CD99L2: variants seen among roughly 807,000 people sequenced by gnomAD.
CD99L2 encodes the protein CD99 molecule like 2.
Under a neutral mutation model 27.3 loss-of-function variants are expected in CD99L2, and 24 were observed. The observed-to-expected ratio is 0.88, with a 90% CI of 0.64 to 1.24. The LOEUF is 1.24. Among genes scored for constraint, CD99L2 ranks in the 50% most tolerant of loss-of-function variants. CD99L2 has a pLI of 0.00. For missense variants in CD99L2, 255 were observed against 221.6 expected (o/e 1.15, Z -0.96); for synonymous variants, 97 against 87.9 (o/e 1.10, Z -0.58).
At chrX:150,837,527 C>T (rs1557421242) in intron 1 of CD99L2, among the ~76,000 whole-genome samples, 3 of 111,890 alleles carry the variant, frequency 2.7e-5, no homozygotes, top group Non-Finnish European at 5.6e-5. Context: ...GGATTACAGG[C>T]GTGAGCCACT....
chrX:150,799,325 C>T (rs1272250478), intron 4 of CD99L2, among the ~76,000 whole-genome samples: 8 of 98,686 alleles, frequency 8.1e-5, no homozygotes, highest in African/African-American at 2.7e-4. Context: ...TGGTGAAACC[C>T]TGTCTCTACC....
At chrX:150,818,487 T>C (rs1206950561) in intron 2 of CD99L2, among the ~76,000 whole-genome samples, 2 of 109,357 alleles carry the variant, frequency 1.8e-5, no homozygotes, top group Non-Finnish European at 1.9e-5. Context: ...AATTCACAAT[T>C]ATACGGAATT....
chrX:150,884,355 G>C (rs2047376313), intron 1 of CD99L2, among the ~76,000 whole-genome samples: 1 of 111,760 alleles, frequency 8.9e-6, no homozygotes, highest in African/African-American at 3.3e-5. Flanking sequence ...GAGGAGAATG[G>C]GAAAGGCAGT....
intron 4 of CD99L2, among the ~76,000 whole-genome samples, chrX:150,806,082 A>T (rs1465015795): frequency 8.9e-6 from 1 of 112,159 alleles, no homozygotes; most frequent in Non-Finnish European, 1.9e-5. Context: ...TCACCAGACT[A>T]TATCAATGTC....
At position 150,777,446 on chromosome X, in the gene CD99L2, G is replaced by A. The variant is rs1557419295; in HGVS notation, c.533C>T (p.Ser178Phe). 2 of 1,211,774 alleles carry A rather than the reference G, an allele frequency of 1.7e-6. No individual in the cohort carries two copies. Among genetic ancestry groups the A allele is most frequent in the Non-Finnish European group, 2.2e-6 (2 of 895,446 alleles). ...GRYGSNDDPG[S>F]GMVAEPGTIA... ...AGCCTCAGGATTCAGAAACCCACCAGATCCAGGGTCGTCATTGCTGCCGTA... is the reference window on the plus strand; with the variant it reads ...AGCCTCAGGATTCAGAAACCCACCAAATCCAGGGTCGTCATTGCTGCCGTA... Residue 178 changes from serine to phenylalanine, a missense_variant and splice_region_variant, in exon 8 of 11, where the codon TCT becomes TTT. Coordinates refer to ENST00000370377, the MANE Select transcript of CD99L2 (RefSeq NM_031462.4).
intron 10 of CD99L2, 111 bp from the exon 11 acceptor site, chrX:150,769,212 C>G: frequency 1.1e-6 from 1 of 915,571 alleles, no homozygotes. Context: ...TTTGTATCCC[C>G]TGGGGGGCCG....
intron 1 of CD99L2, among the ~76,000 whole-genome samples, chrX:150,834,321 G>A (rs782507266): frequency 1.6e-4 from 18 of 111,182 alleles, no homozygotes; most frequent in African/African-American, 9.8e-5. Flanking sequence ...GTGAAACCCC[G>A]TCTCTACTAA....
At position 150,840,647 on chromosome X, in the gene CD99L2, A is replaced by G. The variant is rs188799984; in HGVS notation, c.68-9354T>C. Among the ~76,000 whole-genome samples the G allele has an allele frequency of 2.9e-4, 33 of 112,282 alleles. No individual in the cohort carries two copies. In the South Asian group the frequency reaches 3.3e-3, roughly 11 times the overall value. On this transcript the variant is annotated intron_variant, in intron 1 of 10. Transcript: ENST00000370377. ...GGTCTCAAACTTCTGAGCTCAAGCA[A>G]TCTGCCTGCCTCAGCCTCCCAAAGT...
chrX:150,787,888 GTATATA>G lies in CD99L2; in HGVS notation c.496+5797_496+5802del, dbSNP rs527795783. Among the ~76,000 whole-genome samples, 448 of 63,793 alleles carry G rather than the reference GTATATA, an allele frequency of 7.0e-3. 8 individuals are homozygous for G. Among genetic ancestry groups the G allele is most frequent in the African/African-American group, 0.016 (328 of 19,993 alleles). The allele number at this position is 63,793 out of a possible 115,157, so 55.4% of individuals were successfully genotyped here. On this transcript the variant is annotated intron_variant, in intron 7 of 10. Transcript: ENST00000370377. ...GTGTACATGTACCCTAGAACTTAAA[GTATATA>G]TATATATATATATATATATATATAT...
intron 1 of CD99L2, among the ~76,000 whole-genome samples, chrX:150,861,695 G>A (rs1229768673): frequency 8.1e-5 from 9 of 110,969 alleles, no homozygotes; most frequent in Non-Finnish European, 1.7e-4. Context: ...AAGGTCAGGA[G>A]TTCGAGACCA....
chrX:150,825,981 C>A (rs1365266500), intron 2 of CD99L2, among the ~76,000 whole-genome samples: 2 of 111,642 alleles, frequency 1.8e-5, no homozygotes, highest in East Asian at 5.6e-4. Flanking sequence ...CATGTTGAAA[C>A]TTAACCCCCA....
At chrX:150,779,357 C>T (rs1410196506) in intron 7 of CD99L2, among the ~76,000 whole-genome samples, 1 of 112,127 alleles carries the variant, frequency 8.9e-6, no homozygotes, top group African/African-American at 3.3e-5. Flanking sequence ...CAAAAATGTG[C>T]TTCTCTTCCT....
At chrX:150,838,728 G>GT (rs1256888518) in intron 1 of CD99L2, among the ~76,000 whole-genome samples, 3 of 106,260 alleles carry the variant, frequency 2.8e-5, no homozygotes, top group African/African-American at 1.0e-4. Flanking sequence ...AACTTTTTGG[G>GT]TTTTTTTGTA....
intron 4 of CD99L2, among the ~76,000 whole-genome samples, chrX:150,808,849 C>A (rs2046033419): frequency 9.0e-6 from 1 of 110,829 alleles, no homozygotes; most frequent in South Asian, 4.0e-4. Context: ...AAGGAAGCAG[C>A]CGCGAGTTCC....
At chrX:150,795,600 CCT>C in intron 4 of CD99L2, 114 bp from the exon 5 acceptor site, 3 of 675,912 alleles carry the variant, frequency 4.4e-6, no homozygotes, top group Non-Finnish European at 7.0e-6. Flanking sequence ...CCTTGAGGCT[CCT>C]ATAGGACCTC....
At chrX:150,796,598 A>G (rs2045801575) in intron 4 of CD99L2, among the ~76,000 whole-genome samples, 1 of 112,422 alleles carries the variant, frequency 8.9e-6, no homozygotes, top group African/African-American at 3.2e-5. Flanking sequence ...GAACTACTAG[A>G]CAGAAAATCT....
intron 2 of CD99L2, chrX:150,829,719 T>G: frequency 4.5e-6 from 1 of 224,134 alleles, no homozygotes. Context: ...AATTTCTATC[T>G]GTAGATGCAC....
intron 2 of CD99L2, among the ~76,000 whole-genome samples, chrX:150,816,856 A>G (rs2046163953): frequency 9.1e-6 from 1 of 110,383 alleles, no homozygotes; most frequent in Non-Finnish European, 1.9e-5. Context: ...ACCATGGAAT[A>G]CTATACAGCC....
intron 1 of CD99L2, among the ~76,000 whole-genome samples, chrX:150,865,054 G>A (rs1462023051): frequency 2.9e-5 from 3 of 102,233 alleles, no homozygotes; most frequent in Admixed American, 2.2e-4. Flanking sequence ...GAGACAGAGC[G>A]AGACCCTGTC....
Sources: gnomAD v4.1 joint callset for allele counts (sites outside exome capture counted in the v4.1 genomes callset) on GRCh38, gnomAD v4.1.1 for gene constraint, MANE v1.5 for transcripts, NCBI Gene and HGNC (gene_info 2026-07-23, HGNC 2026-07-21) for gene names.